The following UBE2D2 variants were observed in gnomAD, a reference collection of about 807,000 sequenced individuals.
The protein encoded by UBE2D2 is ubiquitin-conjugating enzyme E2 D2.
A neutral mutation model predicts 24.2 loss-of-function variants in UBE2D2; 2 were observed. The ratio of observed to expected loss-of-function variants is 0.08; its 90% CI spans 0.03 to 0.26. The LOEUF (loss-of-function observed/expected upper bound fraction) is 0.26, where lower values mean the gene tolerates loss of function less well. UBE2D2 is among the 10% of genes least tolerant of loss of function. The pLI is 1.00. For missense variants in UBE2D2, 44 were observed against 177.6 expected (o/e 0.25, Z 4.28); for synonymous variants, 58 against 56.5 (o/e 1.03, Z -0.12).
chr5:139,572,986 T>C (rs1753386026), intron 1 of UBE2D2, among the ~76,000 whole-genome samples: 1 of 151,884 alleles, frequency 6.6e-6, no homozygotes, highest in Non-Finnish European at 1.5e-5. Flanking sequence ...CAAAATAATG[T>C]CACAAACAGA....
chr5:139,556,177 G>A (rs867893112), upstream of UBE2D2, among the ~76,000 whole-genome samples: 1 of 151,748 alleles, frequency 6.6e-6, no homozygotes, highest in East Asian at 1.9e-4. Context: ...TAGAGATTGC[G>A]GTGAGCTGAG....
chr5:139,598,880 T>C (rs1754011747), intron 1 of UBE2D2, among the ~76,000 whole-genome samples: 1 of 149,766 alleles, frequency 6.7e-6, no homozygotes, highest in Non-Finnish European at 1.5e-5. Flanking sequence ...AGCTCTATGG[T>C]GGCTTTTATT....
intron 1 of UBE2D2, among the ~76,000 whole-genome samples, chr5:139,586,140 A>T (rs1753721220): frequency 6.6e-6 from 1 of 151,958 alleles, no homozygotes. Context: ...GATGTTTTAA[A>T]ACCATAACTG....
chr5:139,562,121 T>G, intron 1 of UBE2D2: 1 of 1,093,832 alleles, frequency 9.1e-7, no homozygotes, highest in Non-Finnish European at 1.2e-6. Context: ...TTGAGGGCCA[T>G]TGTCGGGCCA....
chr5:139,551,624 A>G (rs559861358), intron 1 of UBE2D2, among the ~76,000 whole-genome samples: 1 of 152,242 alleles, frequency 6.6e-6, no homozygotes, highest in African/African-American at 2.4e-5. Flanking sequence ...TGTCTCTGAG[A>G]TGCTAGACAC....
chr5:139,567,773 A>G (rs975213599), intron 1 of UBE2D2, among the ~76,000 whole-genome samples: 2 of 151,570 alleles, frequency 1.3e-5, no homozygotes, highest in African/African-American at 4.8e-5. Flanking sequence ...ACCTCCAGTG[A>G]TCCACCCGCC....
At chr5:139,536,661 T>C (rs2126629724) in intron 1 of UBE2D2, among the ~76,000 whole-genome samples, 1 of 151,750 alleles carries the variant, frequency 6.6e-6, no homozygotes, top group East Asian at 1.9e-4. Context: ...CGGCAATTTT[T>C]GTATTTTTAG....
intron 1 of UBE2D2, among the ~76,000 whole-genome samples, chr5:139,537,169 C>A (rs528178317): frequency 1.7e-4 from 25 of 146,394 alleles, no homozygotes; most frequent in African/African-American, 6.1e-4. Flanking sequence ...GGAGACAGAG[C>A]GAGACTCTGT....
intron 1 of UBE2D2, among the ~76,000 whole-genome samples, chr5:139,583,176 T>C (rs1301339706): frequency 6.6e-6 from 1 of 151,788 alleles, no homozygotes. Context: ...GGTTTCACCA[T>C]GTTGGCCAGA....
At chr5:139,552,194 A>T (rs1287985853) in intron 1 of UBE2D2, among the ~76,000 whole-genome samples, 81 of 143,070 alleles carry the variant, frequency 5.7e-4, no homozygotes, top group Non-Finnish European at 1.4e-4. Flanking sequence ...ACGGAGTCTC[A>T]CTCTGTTGCC....
At chr5:139,585,328 T>C (rs1257455340) in intron 1 of UBE2D2, among the ~76,000 whole-genome samples, 1 of 151,892 alleles carries the variant, frequency 6.6e-6, no homozygotes, top group Non-Finnish European at 1.5e-5. Flanking sequence ...TCTTACTGCC[T>C]CAGCCTCCTG....
At chr5:139,595,118 G>A (rs886945921) in intron 1 of UBE2D2, among the ~76,000 whole-genome samples, 20 of 152,140 alleles carry the variant, frequency 1.3e-4, no homozygotes, top group African/African-American at 4.8e-4. Flanking sequence ...AGGGCTGGCT[G>A]TACTTTATTT....
rs1754380278 is a variant in UBE2D2, at chr5:139,614,193, A to G, written c.89-393A>G. Among the ~76,000 whole-genome samples, 3 of 152,178 alleles carry G rather than the reference A, an allele frequency of 2.0e-5. No individual in the cohort carries two copies. The South Asian group carries it at 6.2e-4, about 31-fold the overall frequency. On this transcript the variant is annotated intron_variant, in intron 2 of 6. Transcript: ENST00000398733. ...CAAGAAGTTTGTCTACCTGACATGA[A>G]GTTTCAAGAAGTTTTAGCCCAAATA...
At chr5:139,590,263 C>T (rs1318485217) in intron 1 of UBE2D2, among the ~76,000 whole-genome samples, 9 of 151,712 alleles carry the variant, frequency 5.9e-5, no homozygotes, top group African/African-American at 1.2e-4. Flanking sequence ...GATGAAACCC[C>T]GTCTCTACTA....
upstream of UBE2D2, among the ~76,000 whole-genome samples, chr5:139,559,824 C>T (rs1042527521): frequency 2.6e-5 from 4 of 152,126 alleles, no homozygotes; most frequent in African/African-American, 9.7e-5. Context: ...TGGGCATTAC[C>T]TCCCAGCAAA....
At chr5:139,533,054 G>A (rs1752617225) in intron 1 of UBE2D2, among the ~76,000 whole-genome samples, 1 of 151,392 alleles carries the variant, frequency 6.6e-6, no homozygotes, top group Non-Finnish European at 1.5e-5. Context: ...GTTGCAGTAA[G>A]CTGAGATCGC....
intron 1 of UBE2D2, among the ~76,000 whole-genome samples, chr5:139,538,296 G>C: frequency 6.6e-6 from 1 of 152,018 alleles, no homozygotes; most frequent in East Asian, 1.9e-4. Flanking sequence ...GCATGACATA[G>C]TCTTGACAAA....
chr5:139,541,753 TAATAAA>T (rs1752765089), intron 1 of UBE2D2, among the ~76,000 whole-genome samples: 1 of 148,936 alleles, frequency 6.7e-6, no homozygotes, highest in African/African-American at 2.5e-5. Context: ...AAAAAAAAAA[TAATAAA>T]AATAAAAAGT....
chr5:139,570,091 A>G (rs1488790775), intron 1 of UBE2D2, among the ~76,000 whole-genome samples: 1 of 152,154 alleles, frequency 6.6e-6, no homozygotes, highest in Non-Finnish European at 1.5e-5. Context: ...CCCTGTCTCT[A>G]CAAAAGCGAA....
Sources: gnomAD v4.1 joint callset for allele counts (sites outside exome capture counted in the v4.1 genomes callset) on GRCh38, gnomAD v4.1.1 for gene constraint, MANE v1.5 for transcripts, NCBI Gene and HGNC (gene_info 2026-07-23, HGNC 2026-07-21) for gene names.